LANCL1: variants seen among roughly 807,000 people sequenced by gnomAD.
LANCL1 encodes glutathione S-transferase LANCL1.
In LANCL1, 50 loss-of-function variants were observed where a neutral mutation model predicts 50.6. The observed-to-expected ratio is 0.99, with a 90% confidence interval of 0.79 to 1.25. The LOEUF is 1.25. LANCL1 is among the 50% of genes most tolerant of loss of function. LANCL1 has a pLI of 0.00. For missense variants in LANCL1, 532 were observed against 480.7 expected, an observed-to-expected ratio of 1.11 and a Z score of -1.00; for synonymous variants, 188 against 178.6, an observed-to-expected ratio of 1.05 and a Z score of -0.42.
rs55953221 is a variant in LANCL1 at position 210,437,784 on chromosome 2, T to C, written c.779A>G (p.Asn260Ser). ...YVCQLKFPSG[N>S]YPPCIGDNRD... ...ATTATCACCTATACATGGAGGGTAA[T>C]TGCCAGAAGGGAATTTCAGCTGGCA... The change falls in exon 7 of 10, where the codon AAT becomes AGT. Residue 260 changes from asparagine (N) to serine (S), a missense_variant. Coordinates refer to ENST00000450366, the MANE Select transcript of LANCL1 (RefSeq NM_006055.3). 1,781 of 1,613,476 alleles carry C rather than the reference T, an allele frequency of 1.1e-3. 4 individuals carry two copies. The highest frequency in any genetic ancestry group is 6.4e-3 in the African/African-American group (483 of 75,004).
At chr2:210,435,171 G>T (rs575587052) in intron 9 of LANCL1, among the ~76,000 whole-genome samples, 1 of 152,156 alleles carries the variant, frequency 6.6e-6, no homozygotes, top group Non-Finnish European at 1.5e-5. Flanking sequence ...ACATGTGCCT[G>T]GCTCCATAAA....
chr2:210,455,171 C>A lies in LANCL1; in HGVS notation c.343G>T (p.Ala115Ser), dbSNP rs778050847. The A allele has an allele frequency of 3.7e-6, 6 of 1,613,756 alleles. No individual in the cohort carries two copies. The South Asian group carries it at 6.6e-5, about 18-fold the overall frequency. Residue 115 changes from alanine to serine, a missense_variant, in exon 4 of 10, where the codon GCA becomes TCA. Physicochemically the swap from Ala to Ser is moderately conservative, Grantham distance 99 (BLOSUM62 1). Transcript: ENST00000450366. ...TFLCGDAGPL[A>S]VAAVLYHKMN... is the part of the protein sequence containing the mutation. The stretch of plus-strand genomic sequence containing the variant: ...TTGTGATATAGCACAGCGGCCACTG[C>A]CAGGGGGCCTGCATCCCCACAAAGG...
intron 4 of LANCL1, among the ~76,000 whole-genome samples, chr2:210,451,943 T>G (rs1330260567): frequency 6.6e-6 from 1 of 152,072 alleles, no homozygotes; most frequent in Non-Finnish European, 1.5e-5. Context: ...AAAGAACAAA[T>G]GTATAATCCA....
At chr2:210,450,094 A>G (rs1235175059) in intron 4 of LANCL1, among the ~76,000 whole-genome samples, 1 of 152,220 alleles carries the variant, frequency 6.6e-6, no homozygotes, top group African/African-American at 2.4e-5. Flanking sequence ...TTCAAACTAT[A>G]CTACAAGGGT....
intron 3 of LANCL1, among the ~76,000 whole-genome samples, chr2:210,457,548 T>C (rs1216561725): frequency 2.0e-5 from 3 of 152,162 alleles, no homozygotes; most frequent in East Asian, 1.9e-4. Context: ...CTTGTGGGCC[T>C]GGCTTCAGTC....
chr2:210,453,408 G>A (rs1054577018), intron 4 of LANCL1, among the ~76,000 whole-genome samples: 2 of 152,162 alleles, frequency 1.3e-5, no homozygotes, highest in Non-Finnish European at 2.9e-5. Context: ...GAGTTGGCGT[G>A]TTGTCCCCAG....
In LANCL1 at chr2:210,436,287, C is replaced by A. The variant is rs751036657; in HGVS notation, c.979G>T (p.Gly327Trp). ...AGTGTCAGGAAGGCATAGGCATTCC[C>A]TGCAGAACCGTGGCACAGCCCATAT... Reference protein sequence around the residue: ...KGYGLCHGSAGNAYAFLTLYN... With the variant: ...KGYGLCHGSAWNAYAFLTLYN... The change falls in exon 8 of 10, where the codon GGG (glycine) becomes TGG (tryptophan). Residue 327 changes from glycine (G) to tryptophan (W), a missense_variant. By Grantham distance (184) the Gly-to-Trp change is radical. Transcript: ENST00000450366. The A allele has an allele frequency of 6.2e-7, 1 of 1,614,066 alleles. No homozygotes were observed. The highest frequency in any genetic ancestry group is 8.5e-7 in the Non-Finnish European group (1 of 1,179,966).
At position 210,476,733 on chromosome 2, in the gene LANCL1, G is replaced by A. The variant is rs904596561; in HGVS notation, c.-130C>T. On this transcript the variant is annotated 5_prime_UTR_variant, in exon 1 of 10. Coordinates refer to ENST00000450366, the MANE Select transcript of LANCL1 (RefSeq NM_006055.3). ...CCCTGGCCTCTCACCCCGCAGCCCC[G>A]GACAGTAACAGAAGGGCTATTTTAC... 1.8e-6 allele frequency: 2 copies of A among 1,092,750 alleles called. No homozygotes were observed. Among genetic ancestry groups the A allele is most frequent in the South Asian group, 3.2e-5 (1 of 30,886 alleles). The allele number at this position is 1,092,750 out of a possible 1,614,324, so 67.7% of individuals were successfully genotyped here.
chr2:210,446,923 C>G (rs1283412288), intron 4 of LANCL1, among the ~76,000 whole-genome samples: 1 of 152,178 alleles, frequency 6.6e-6, no homozygotes, highest in Non-Finnish European at 1.5e-5. Context: ...TGGAAACACT[C>G]TTCAGGATAT....
intron 4 of LANCL1, among the ~76,000 whole-genome samples, chr2:210,445,615 T>A (rs1169846125): frequency 6.6e-6 from 1 of 152,146 alleles, no homozygotes; most frequent in East Asian, 1.9e-4. Context: ...TATATTAAGA[T>A]ATAAAAATAA....
chr2:210,476,725 G>A lies in LANCL1; in HGVS notation c.-122C>T, dbSNP rs765956384. On this transcript the variant is annotated 5_prime_UTR_variant, in exon 1 of 10. Coordinates refer to ENST00000450366, the MANE Select transcript of LANCL1 (RefSeq NM_006055.3). ...CTTCTCGGCCCTGGCCTCTCACCCCGCAGCCCCGGACAGTAACAGAAGGGC... is the reference window on the plus strand; with the variant it reads ...CTTCTCGGCCCTGGCCTCTCACCCCACAGCCCCGGACAGTAACAGAAGGGC... 28 of 1,120,958 alleles carry A rather than the reference G, an allele frequency of 2.5e-5. No homozygotes were observed. Among genetic ancestry groups the A allele is most frequent in the Non-Finnish European group, 3.0e-5 (27 of 913,838 alleles). 69.4% of individuals were successfully genotyped at this position (1,120,958 alleles called of 1,614,324 possible).
At chr2:210,447,502 C>A (rs919471861) in intron 4 of LANCL1, among the ~76,000 whole-genome samples, 25 of 152,120 alleles carry the variant, frequency 1.6e-4, no homozygotes, top group African/African-American at 6.0e-4. Context: ...TCACACATAA[C>A]AATATTAACC....
rs1693098260 is a variant in LANCL1, at chr2:210,440,625, C to T, written c.663G>A (p.Leu221=). The T allele has an allele frequency of 1.2e-6, 2 of 1,612,566 alleles. No individual in the cohort carries two copies. The highest frequency in any genetic ancestry group is 3.3e-5 in the Admixed American group (2 of 59,728). Residue 221 remains leucine, a synonymous_variant, in exon 6 of 10, where the codon CTG becomes CTA. Coordinates refer to ENST00000450366, the MANE Select transcript of LANCL1 (RefSeq NM_006055.3). ...GCATCAGGTAGTAATAAATTCCAGC[C>T]AGGCCATGAGCAGCCCCTACATAAT... ...QEYYVGAAHG[L]AGIYYYLMQP...
intron 2 of LANCL1, among the ~76,000 whole-genome samples, chr2:210,474,120 G>A (rs972229374): frequency 1.3e-5 from 2 of 152,132 alleles, no homozygotes; most frequent in Non-Finnish European, 2.9e-5. Context: ...GATTGCTTGT[G>A]GTACACCACC....
intron 6 of LANCL1, among the ~76,000 whole-genome samples, chr2:210,438,536 T>C (rs1411051244): frequency 1.3e-5 from 2 of 152,248 alleles, no homozygotes; most frequent in Non-Finnish European, 2.9e-5. Flanking sequence ...AAGTTTCTCA[T>C]GGTTTCAATA....
At chr2:210,473,027 A>G (rs528380203) in intron 2 of LANCL1, among the ~76,000 whole-genome samples, 1 of 152,170 alleles carries the variant, frequency 6.6e-6, no homozygotes, top group Non-Finnish European at 1.5e-5. Context: ...TATTCTTCTT[A>G]AAGGCAAATG....
At chr2:210,438,133 CT>C (rs397869730) in intron 6 of LANCL1, among the ~76,000 whole-genome samples, 151 of 130,620 alleles carry the variant, frequency 1.2e-3, no homozygotes, top group Admixed American at 1.8e-3. Flanking sequence ...GTTTTTCTTT[CT>C]TTTTTTTTTT....
At chr2:210,443,080 T>C (rs904792834) in intron 4 of LANCL1, among the ~76,000 whole-genome samples, 25 of 152,228 alleles carry the variant, frequency 1.6e-4, no homozygotes, top group South Asian at 1.0e-3. Flanking sequence ...CCCAGATGCA[T>C]GCATAGTCAT....
chr2:210,450,824 G>T (rs1225902811), intron 4 of LANCL1, among the ~76,000 whole-genome samples: 1 of 152,144 alleles, frequency 6.6e-6, no homozygotes, highest in African/African-American at 2.4e-5. Flanking sequence ...AAAAAGTTAG[G>T]AAACAACAGA....
Sources: gnomAD v4.1 joint callset for allele counts (sites outside exome capture counted in the v4.1 genomes callset) on GRCh38, gnomAD v4.1.1 for gene constraint, MANE v1.5 for transcripts, NCBI Gene and HGNC (gene_info 2026-07-23, HGNC 2026-07-21) for gene names.